CARMIL1: variants seen among roughly 807,000 people sequenced by gnomAD.
CARMIL1 encodes capping protein regulator and myosin 1 linker 1.
CARMIL1 carries 90 observed loss-of-function variants against 177.1 expected under a neutral mutation model. That is an observed-to-expected ratio of 0.51 (90% CI 0.43 to 0.61). The LOEUF (loss-of-function observed/expected upper bound fraction) is 0.61. Among genes scored for constraint, CARMIL1 ranks in the 20% least tolerant of loss-of-function variants. The pLI, the probability that CARMIL1 is intolerant of heterozygous loss-of-function variation, is 0.00. For missense variants in CARMIL1, 1,380 were observed against 1,667.0 expected (o/e 0.83, Z 3.00); for synonymous variants, 577 against 606.2 (o/e 0.95, Z 0.71).
In CARMIL1 at chr6:25,581,352, G is replaced by A; in HGVS notation, c.2919G>A (p.Glu973=). The change falls in exon 31 of 37, where the codon GAG becomes GAA. Residue 973 remains glutamate (E), a synonymous_variant. Coordinates refer to ENST00000329474, the MANE Select transcript of CARMIL1 (RefSeq NM_017640.6). ...QEKRSSGFIS[E]LPSEEGKKLE... ...AGCGGAGCTCGGGATTTATCTCTGA[G>A]TTGCCCTCTGAAGAGGGGAAGAAGC... is the stretch of plus-strand genomic sequence containing the variant. 6.2e-7 allele frequency: 1 copy of A among 1,613,806 alleles called. No homozygotes were observed. The highest frequency in any genetic ancestry group is 8.5e-7 in the Non-Finnish European group (1 of 1,179,842).
At chr6:25,546,914 A>G (rs1228395469) in intron 26 of CARMIL1, among the ~76,000 whole-genome samples, 1 of 151,742 alleles carries the variant, frequency 6.6e-6, no homozygotes, top group African/African-American at 2.4e-5. Flanking sequence ...AAGTAGCCAG[A>G]TGTGGTGGCA....
intron 32 of CARMIL1, among the ~76,000 whole-genome samples, chr6:25,598,540 A>G (rs895531038): frequency 2.2e-4 from 34 of 152,072 alleles, no homozygotes; most frequent in African/African-American, 7.7e-4. Flanking sequence ...TGCCCAGGCC[A>G]TTACTCAGAT....
intron 8 of CARMIL1, among the ~76,000 whole-genome samples, chr6:25,456,154 A>G (rs376326099): frequency 1.3e-5 from 2 of 152,160 alleles, no homozygotes; most frequent in African/African-American, 4.8e-5. Flanking sequence ...GGGCTGCTTT[A>G]TCAGTTATCC....
Position 25,501,963 on chromosome 6 carries a change from A to G in CARMIL1, c.1395+1728A>G, listed in dbSNP as rs189310377. On this transcript the variant is annotated intron_variant, in intron 17 of 36. Coordinates refer to ENST00000329474, the MANE Select transcript of CARMIL1 (RefSeq NM_017640.6). ...AGTCTTGTTGTTTTGAAAAAAGAAA[A>G]GCAAAAAACAATACAAAAAGACATA... Among the ~76,000 whole-genome samples, 7 of 150,250 alleles carry G rather than the reference A, an allele frequency of 4.7e-5. No homozygotes were observed. In the East Asian group the frequency reaches 1.4e-3, roughly 30 times the overall value.
chr6:25,486,353 G>A (rs564292338), intron 12 of CARMIL1, among the ~76,000 whole-genome samples: 143 of 152,220 alleles, frequency 9.4e-4, no homozygotes, highest in South Asian at 4.6e-3. Flanking sequence ...ATGCTCTCTC[G>A]AGTCTATTCA....
At chr6:25,435,810 A>T (rs1467633942) in intron 5 of CARMIL1, among the ~76,000 whole-genome samples, 1 of 152,180 alleles carries the variant, frequency 6.6e-6, no homozygotes, top group Non-Finnish European at 1.5e-5. Context: ...TTCTTTAAAG[A>T]GCTTGAGTGA....
intron 11 of CARMIL1, among the ~76,000 whole-genome samples, chr6:25,472,888 T>C (rs1801210944): frequency 6.6e-6 from 1 of 152,204 alleles, no homozygotes; most frequent in African/African-American, 2.4e-5. Context: ...TTCTGTGCTC[T>C]GGGTCTGTCT....
chr6:25,604,698 C>T (rs961104861), intron 33 of CARMIL1, 114 bp from the exon 34 acceptor site: 1 of 779,802 alleles, frequency 1.3e-6, no homozygotes. Context: ...GTCACCATAA[C>T]AGCAGCTGAG....
At chr6:25,520,591 G>T (rs1806454692) in intron 23 of CARMIL1, among the ~76,000 whole-genome samples, 1 of 152,200 alleles carries the variant, frequency 6.6e-6, no homozygotes, top group Admixed American at 6.5e-5. Flanking sequence ...CAACATGCCA[G>T]AGCTTAAGTA....
rs189034360 is a variant in CARMIL1, at chr6:25,433,893, T to C, written c.250-1590T>C. Among the ~76,000 whole-genome samples, 142 of 152,326 alleles carry C rather than the reference T, an allele frequency of 9.3e-4. 1 individual carries two copies. The highest frequency in any genetic ancestry group is 3.2e-3 in the African/African-American group (135 of 41,576). ...TACATATGTTGAAATACTTACATTA[T>C]TATTATTTTCAGTTTGGGCTAATTT... On this transcript the variant is annotated intron_variant, in intron 4 of 36. Transcript: ENST00000329474.
At chr6:25,284,974 T>C in intron 2 of CARMIL1, 65 bp downstream of exon 2, 2 of 1,008,278 alleles carry the variant, frequency 2.0e-6, no homozygotes, top group East Asian at 2.6e-5. Flanking sequence ...TTGTTTAGAT[T>C]GCTTAATTTT....
At chr6:25,368,350 A>G (rs955441459) in intron 2 of CARMIL1, among the ~76,000 whole-genome samples, 1 of 152,202 alleles carries the variant, frequency 6.6e-6, no homozygotes, top group Non-Finnish European at 1.5e-5. Flanking sequence ...GTTTCTTAAA[A>G]TGATTTCCAT....
At chr6:25,607,193 C>CCA (rs3034228) in intron 35 of CARMIL1, among the ~76,000 whole-genome samples, 28 of 150,078 alleles carry the variant, frequency 1.9e-4, no homozygotes, top group Admixed American at 4.0e-4. Context: ...CAAAAAAACA[C>CCA]CACACACACA....
chr6:25,610,082 G>A lies in CARMIL1; in HGVS notation c.3880G>A (p.Val1294Ile), dbSNP rs1484443928. Residue 1294 changes from valine (V) to isoleucine (I), a missense_variant, in exon 36 of 37, where the codon GTT becomes ATT. By Grantham distance (29) the Val-to-Ile change is conservative. Transcript: ENST00000329474. The stretch of plus-strand genomic sequence containing the variant: ...TCCAGACTCTCCATCTAGCCCGAAA[G>A]TTGCCCTTCTTCCACCTGTCCTGAA... ...DIPDSPSSPK[V>I]ALLPPVLKKV... 3.7e-6 allele frequency: 6 copies of A among 1,613,808 alleles called. No homozygotes were observed. Among genetic ancestry groups the A allele is most frequent in the Non-Finnish European group, 5.1e-6 (6 of 1,179,874 alleles).
intron 30 of CARMIL1, 42 bp from the exon 31 acceptor site, chr6:25,581,201 T>C: frequency 7.0e-6 from 11 of 1,573,992 alleles, no homozygotes; most frequent in Non-Finnish European, 7.8e-6. Context: ...CATTAAGCTT[T>C]GGCCTTGGGC....
At chr6:25,450,486 CT>C (rs1263146849) in intron 7 of CARMIL1, 77 bp downstream of exon 7, 9 of 1,300,374 alleles carry the variant, frequency 6.9e-6, no homozygotes, top group Admixed American at 2.1e-5. Context: ...GCTTGTTTTT[CT>C]TTTTTTCCCT....
chr6:25,360,061 C>T (rs1244430956), intron 2 of CARMIL1, among the ~76,000 whole-genome samples: 2 of 152,126 alleles, frequency 1.3e-5, no homozygotes, highest in Non-Finnish European at 2.9e-5. Flanking sequence ...ATGAGGGATG[C>T]CAGATAAGAC....
At chr6:25,386,903 G>A (rs1333821290) in intron 2 of CARMIL1, among the ~76,000 whole-genome samples, 2 of 151,752 alleles carry the variant, frequency 1.3e-5, no homozygotes, top group Admixed American at 6.6e-5. Context: ...TGAGGTGGGC[G>A]TATCACCTGA....
intron 24 of CARMIL1, among the ~76,000 whole-genome samples, chr6:25,537,524 C>T (rs1211304254): frequency 6.6e-6 from 1 of 152,134 alleles, no homozygotes; most frequent in Non-Finnish European, 1.5e-5. Flanking sequence ...TAGTATCTAG[C>T]AAAATGTCAC....
Sources: gnomAD v4.1 joint callset for allele counts (sites outside exome capture counted in the v4.1 genomes callset) on GRCh38, gnomAD v4.1.1 for gene constraint, MANE v1.5 for transcripts, NCBI Gene and HGNC (gene_info 2026-07-23, HGNC 2026-07-21) for gene names.